Variants in ADGRL3 observed in about 807,000 individuals in gnomAD.
The protein encoded by ADGRL3 is adhesion G protein-coupled receptor L3.
Under a neutral mutation model 153.5 loss-of-function variants are expected in ADGRL3, and 62 were observed. That is an observed-to-expected ratio of 0.40 (90% confidence interval 0.33 to 0.50). ADGRL3 has a LOEUF of 0.50. ADGRL3 is among the 20% of genes least tolerant of loss of function. ADGRL3 has a pLI of 0.47. For synonymous variants in ADGRL3, 710 were observed against 672.5 expected (o/e 1.06, Z -0.86); for missense variants, 1,641 against 1,859.4 (o/e 0.88, Z 2.16).
At chr4:61,962,018 T>G (rs1300168608) in intron 17 of ADGRL3, among the ~76,000 whole-genome samples, 1 of 152,050 alleles carries the variant, frequency 6.6e-6, no homozygotes, top group African/African-American at 2.4e-5. Flanking sequence ...GCTGGATTAT[T>G]TGACTTTTTG....
In ADGRL3 at chr4:61,947,078, G is replaced by A. The variant is rs1192167993; in HGVS notation, c.2584G>A (p.Val862Ile). The change falls in exon 16 of 27, where the codon GTT becomes ATT. Residue 862 changes from valine (V) to isoleucine (I), a missense_variant. Transcript: ENST00000683033. ...AAINKEFSNK[V>I]YLADPVVFTV... ...AATAAACAAAGAGTTCAGTAACAAG[G>A]TTTATTTGGCTGATCCTGTGGTATT... The A allele has an allele frequency of 6.2e-7, 1 of 1,613,766 alleles. No homozygotes were observed. The highest frequency in any genetic ancestry group is 1.1e-5 in the South Asian group (1 of 91,076).
At chr4:61,433,480 T>C (rs973999808) in intron 2 of ADGRL3, among the ~76,000 whole-genome samples, 8 of 152,210 alleles carry the variant, frequency 5.3e-5, no homozygotes, top group African/African-American at 1.9e-4. Context: ...TTTAAGCATT[T>C]AAGGACTTAC....
At chr4:61,671,859 A>G (rs1292852332) in intron 5 of ADGRL3, among the ~76,000 whole-genome samples, 1 of 152,000 alleles carries the variant, frequency 6.6e-6, no homozygotes, top group African/African-American at 2.4e-5. Context: ...ACTGTTCTGG[A>G]CTCCACTGAC....
At chr4:61,628,196 A>G (rs1029649142) in intron 5 of ADGRL3, among the ~76,000 whole-genome samples, 1 of 151,986 alleles carries the variant, frequency 6.6e-6, no homozygotes, top group Non-Finnish European at 1.5e-5. Context: ...TACATTGTGG[A>G]AAAAAAACTG....
chr4:61,804,853 C>T (rs905500432), intron 8 of ADGRL3, among the ~76,000 whole-genome samples: 2 of 152,032 alleles, frequency 1.3e-5, no homozygotes, highest in African/African-American at 2.4e-5. Flanking sequence ...GCCTTCCTTG[C>T]GGGGAGAGGG....
intron 2 of ADGRL3, among the ~76,000 whole-genome samples, chr4:61,441,896 A>C (rs1018685148): frequency 2.0e-5 from 3 of 152,176 alleles, no homozygotes; most frequent in Non-Finnish European, 4.4e-5. Context: ...TACCCAGTGA[A>C]AATTATGAAT....
intron 2 of ADGRL3, among the ~76,000 whole-genome samples, chr4:61,408,945 A>G (rs2097043424): frequency 6.6e-6 from 1 of 151,776 alleles, no homozygotes; most frequent in African/African-American, 2.4e-5. Context: ...TAGATTAAAT[A>G]TATTGGCTTT....
At chr4:61,893,023 C>A (rs1394841121) in intron 10 of ADGRL3, 65 bp downstream of exon 10, 13 of 1,020,486 alleles carry the variant, frequency 1.3e-5, no homozygotes, top group Admixed American at 3.8e-5. Context: ...TTCTAGTATT[C>A]TTTTCCTTTT....
chr4:61,674,127 T>C (rs1266847804), intron 5 of ADGRL3, among the ~76,000 whole-genome samples: 4 of 146,680 alleles, frequency 2.7e-5, no homozygotes, highest in Non-Finnish European at 6.0e-5. Context: ...ATATAATATG[T>C]AAATTTGTCG....
intron 11 of ADGRL3, among the ~76,000 whole-genome samples, chr4:61,904,818 G>A (rs941410284): frequency 6.6e-6 from 1 of 151,976 alleles, no homozygotes; most frequent in African/African-American, 2.4e-5. Flanking sequence ...CCTTCGTTTT[G>A]AAGATATATT....
chr4:61,408,509 G>T (rs1307560479), intron 2 of ADGRL3, among the ~76,000 whole-genome samples: 1 of 151,578 alleles, frequency 6.6e-6, no homozygotes, highest in Non-Finnish European at 1.5e-5. Context: ...TATGAGAATA[G>T]ATTTCCTTAA....
intron 8 of ADGRL3, among the ~76,000 whole-genome samples, chr4:61,800,958 A>G (rs2097488482): frequency 6.6e-6 from 1 of 152,156 alleles, no homozygotes; most frequent in African/African-American, 2.4e-5. Flanking sequence ...ATTGATCTTT[A>G]TACAAACAAG....
chr4:61,505,865 G>A (rs1158646638), intron 3 of ADGRL3, among the ~76,000 whole-genome samples: 1 of 151,936 alleles, frequency 6.6e-6, no homozygotes, highest in Non-Finnish European at 1.5e-5. Flanking sequence ...CAGAGAACCT[G>A]GTGTTTTATA....
intron 5 of ADGRL3, among the ~76,000 whole-genome samples, chr4:61,608,764 T>C (rs1015096213): frequency 8.5e-5 from 13 of 152,198 alleles, no homozygotes; most frequent in African/African-American, 2.7e-4. Context: ...TACTATTAAT[T>C]GACAATAGTC....
intron 3 of ADGRL3, among the ~76,000 whole-genome samples, chr4:61,509,052 A>G (rs991866967): frequency 2.6e-5 from 4 of 151,222 alleles, no homozygotes; most frequent in African/African-American, 9.7e-5. Context: ...CCATCCCACA[A>G]CCCGTGGGAA....
intron 2 of ADGRL3, among the ~76,000 whole-genome samples, chr4:61,421,116 C>T (rs138249633): frequency 1.3e-5 from 2 of 151,968 alleles, no homozygotes; most frequent in Non-Finnish European, 2.9e-5. Context: ...GGGCGGATCA[C>T]GAGGTCAGGA....
chr4:61,915,817 C>G (rs991204712), intron 13 of ADGRL3, among the ~76,000 whole-genome samples: 1 of 152,054 alleles, frequency 6.6e-6, no homozygotes, highest in Non-Finnish European at 1.5e-5. Flanking sequence ...TTTCAGAGTA[C>G]ATTCAGAGCT....
At chr4:61,359,271 A>G (rs1311357772) in intron 1 of ADGRL3, among the ~76,000 whole-genome samples, 1 of 152,224 alleles carries the variant, frequency 6.6e-6, no homozygotes, top group East Asian at 1.9e-4. Context: ...TTCTCAACAC[A>G]GAAGCCAGAT....
At chr4:61,928,558 C>T (rs183368222) in intron 13 of ADGRL3, among the ~76,000 whole-genome samples, 11 of 152,174 alleles carry the variant, frequency 7.2e-5, no homozygotes, top group Non-Finnish European at 1.0e-4. Context: ...ACACATAATA[C>T]GTATCTAATG....
Sources: gnomAD v4.1 joint callset for allele counts (sites outside exome capture counted in the v4.1 genomes callset) on GRCh38, gnomAD v4.1.1 for gene constraint, MANE v1.5 for transcripts, NCBI Gene and HGNC (gene_info 2026-07-23, HGNC 2026-07-21) for gene names.